The following DMXL1 variants were observed in gnomAD, a reference collection of about 807,000 sequenced individuals.
DMXL1 encodes Dmx like 1, also known as dmX-like protein 1.
DMXL1 carries 99 observed loss-of-function variants against 319.2 expected under a neutral mutation model. The ratio of observed to expected loss-of-function variants is 0.31; its 90% CI spans 0.26 to 0.37. DMXL1 has a LOEUF of 0.37. DMXL1 is among the 10% of genes least tolerant of loss of function. The pLI is 1.00. For missense variants in DMXL1, 3,745 were observed against 3,595.6 expected, an observed-to-expected ratio of 1.04 and a Z score of -1.06; for synonymous variants, 1,385 against 1,235.2, an observed-to-expected ratio of 1.12 and a Z score of -2.54.
intron 1 of DMXL1, chr5:119,081,769 T>TA: frequency 1.0e-6 from 1 of 967,412 alleles, no homozygotes; most frequent in Non-Finnish European, 1.2e-6. Context: ...ATTTTGTTCT[T>TA]ACGTGTATTT....
Position 119,150,300 on chromosome 5 carries a change from C to T in DMXL1, c.4473C>T (p.Gly1491=). The T allele has an allele frequency of 6.2e-7, 1 of 1,613,794 alleles. No homozygotes were observed. The change falls in exon 18 of 44, where the codon GGC becomes GGT. Residue 1491 remains glycine (G), a synonymous_variant. Coordinates refer to ENST00000539542, the MANE Select transcript of DMXL1 (RefSeq NM_001290321.3). ...CTGAGCATGCTCAGGTTCTTTCTGGCCACTTACTTCATTCTAGTTTACCAG... is the reference window on the plus strand; with the variant it reads ...CTGAGCATGCTCAGGTTCTTTCTGGTCACTTACTTCATTCTAGTTTACCAG... ...FGPEHAQVLS[G]HLLHSSLPGL...
At chr5:119,141,723 A>G (rs771902378) in intron 13 of DMXL1, among the ~76,000 whole-genome samples, 26 of 152,222 alleles carry the variant, frequency 1.7e-4, no homozygotes, top group Non-Finnish European at 3.1e-4. Context: ...TATTCCTATC[A>G]AACTACCAAC....
chr5:119,171,804 C>T lies in DMXL1; in HGVS notation c.6516C>T (p.Ser2172=). 2 of 1,612,496 alleles carry T rather than the reference C, an allele frequency of 1.2e-6. No homozygotes were observed. The highest frequency in any genetic ancestry group is 1.7e-6 in the Non-Finnish European group (2 of 1,179,298). ...AAACATCAGAACCACTATTTTCTAG[C>T]CCTCTGTCAGAGCAAACCTCAGTGC... is the stretch of plus-strand genomic sequence containing the variant. ...QQETSEPLFS[S]PLSEQTSVPL... The change falls in exon 25 of 44, where the codon AGC becomes AGT. Residue 2172 remains serine (S), a synonymous_variant. Transcript: ENST00000539542.
rs757438264 is a variant in DMXL1 at position 119,149,419 on chromosome 5, G to C, written c.3592G>C (p.Val1198Leu). 2 of 1,613,870 alleles carry C rather than the reference G, an allele frequency of 1.2e-6. No homozygotes were observed. Among genetic ancestry groups the C allele is most frequent in the East Asian group, 4.5e-5 (2 of 44,862 alleles). The change falls in exon 18 of 44, where the codon GTA (valine) becomes CTA (leucine). Residue 1198 changes from valine to leucine, a missense_variant. By Grantham distance (32) the Val-to-Leu change is conservative (BLOSUM62 1). This residue lies in a region of DMXL1 where 2,096 missense variants were observed against 1,985.4 expected (regional missense o/e 1.06). Coordinates refer to ENST00000539542, the MANE Select transcript of DMXL1 (RefSeq NM_001290321.3). ...STKVVPLSKF[V>L]LLRSVDLVSS... The stretch of plus-strand genomic sequence containing the variant: ...CAAAGTTGTGCCCCTTTCTAAATTT[G>C]TACTATTACGAAGTGTGGACCTAGT...
intron 1 of DMXL1, among the ~76,000 whole-genome samples, chr5:119,073,950 C>A (rs928968423): frequency 6.6e-6 from 1 of 151,246 alleles, no homozygotes; most frequent in African/African-American, 2.4e-5. Context: ...CGGAGTTTCG[C>A]TGTCGTTGCC....
intron 39 of DMXL1, chr5:119,236,247 G>T (rs1787733866): frequency 6.6e-6 from 1 of 151,984 alleles, no homozygotes; most frequent in South Asian, 2.1e-4. Context: ...TAACTAAAGT[G>T]TAAGAAAAAT....
In DMXL1 at chr5:119,071,408, C is replaced by G. The variant is rs1032159549; in HGVS notation, c.-162C>G. ...TCGCCCTCCGGGGCTCGGGATGAGT[C>G]GCGGGCCCCAGCTGAGCGGCTCCGG... On this transcript the variant is annotated 5_prime_UTR_variant, in exon 1 of 44. Coordinates refer to ENST00000539542, the MANE Select transcript of DMXL1 (RefSeq NM_001290321.3). 1.5e-6 allele frequency: 1 copy of G among 677,218 alleles called. No homozygotes were observed. Among genetic ancestry groups the G allele is most frequent in the Non-Finnish European group, 2.5e-6 (1 of 405,284 alleles). The allele number at this position is 677,218 out of a possible 1,614,324, so 42.0% of individuals were successfully genotyped here.
rs748708420 is a variant in DMXL1 at position 119,239,090 on chromosome 5, G to A, written c.8651+10G>A. The A allele has an allele frequency of 1.9e-6, 3 of 1,612,980 alleles. No individual in the cohort carries two copies. The highest frequency in any genetic ancestry group is 2.7e-5 in the African/African-American group (2 of 74,892). On this transcript the variant is annotated intron_variant, in intron 41 of 43. Coordinates refer to ENST00000539542, the MANE Select transcript of DMXL1 (RefSeq NM_001290321.3). The stretch of plus-strand genomic sequence containing the variant: ...TTTCAACTGACAATAGGTAAGAGAT[G>A]ATAGCTAAAATTGAAGTATGAGAAA...
chr5:119,105,267 A>G lies in DMXL1; in HGVS notation c.364+9A>G. On this transcript the variant is annotated intron_variant, in intron 4 of 43. Coordinates refer to ENST00000539542, the MANE Select transcript of DMXL1 (RefSeq NM_001290321.3). ...AACCTGGGATCCCACAGGTAAGAAA[A>G]TAAGCAGGATTAACTAAAATGAAAT... 1 of 1,604,130 alleles carries G rather than the reference A, an allele frequency of 6.2e-7. No individual in the cohort carries two copies. Among genetic ancestry groups the G allele is most frequent in the Non-Finnish European group, 8.5e-7 (1 of 1,171,600 alleles).
Position 119,173,776 on chromosome 5 carries a change from G to GTGTGTATATATATATATATATATATA in DMXL1, c.6682-1484_6682-1483insGTGTATATATATATATATATATATAT. On this transcript the variant is annotated intron_variant, in intron 25 of 43. Coordinates refer to ENST00000539542, the MANE Select transcript of DMXL1 (RefSeq NM_001290321.3). ...TGTGTATATATATATATGTGTGTGT[G>GTGTGTATATATATATATATATATATA]TATATATATATATATATATATAATG... 6.8e-4 allele frequency among the ~76,000 whole-genome samples: 46 copies of GTGTGTATATATATATATATATATATA among 67,170 alleles called. 1 individual carries two copies. The highest frequency in any genetic ancestry group is 2.2e-3 in the African/African-American group (39 of 18,014). 44.1% of individuals were successfully genotyped at this position (67,170 alleles called of 152,430 possible). A position where few individuals can be genotyped will look rare whatever the true frequency, so the allele number is the denominator to read the frequency against.
At chr5:119,188,944 A>C (rs1242950133) in intron 28 of DMXL1, among the ~76,000 whole-genome samples, 1 of 152,206 alleles carries the variant, frequency 6.6e-6, no homozygotes, top group African/African-American at 2.4e-5. Flanking sequence ...GGTGTGCCTT[A>C]ATGTGGAATT....
At chr5:119,172,058 A>G in intron 25 of DMXL1, 89 bp downstream of exon 25, 1 of 1,226,706 alleles carries the variant, frequency 8.2e-7, no homozygotes, top group Non-Finnish European at 1.1e-6. Flanking sequence ...AAGTAATTTT[A>G]AACATCAGAC....
Position 119,224,746 on chromosome 5 carries a change from C to A in DMXL1, c.8315C>A (p.Thr2772Asn). 7.6e-7 allele frequency: 1 copy of A among 1,321,332 alleles called. No homozygotes were observed. Among genetic ancestry groups the A allele is most frequent in the Non-Finnish European group, 1.0e-6 (1 of 992,700 alleles). 81.9% of individuals were successfully genotyped at this position (1,321,332 alleles called of 1,614,324 possible). A position where few individuals can be genotyped will look rare whatever the true frequency, so the allele number is the denominator to read the frequency against. ...GCCATTAATAATGTTAGAAGAATGA[C>A]TTCTCATCCAACTCTTCCTTACTGT... Reference protein sequence around the residue: ...KKAINNVRRMTSHPTLPYYLT... With the variant: ...KKAINNVRRMNSHPTLPYYLT... Residue 2772 changes from threonine to asparagine, a missense_variant, in exon 38 of 44, where the codon ACT (threonine) becomes AAT (asparagine). Thr to Asn is a moderately conservative substitution (Grantham distance 65). Around this residue, in one of 4 missense-constraint regions of DMXL1, gnomAD observed 1,382 missense variants for 1,269.5 expected, o/e 1.09. Transcript: ENST00000539542.
chr5:119,101,897 A>C (rs758084295), intron 2 of DMXL1, 38 bp from the exon 3 acceptor site: 5 of 1,367,218 alleles, frequency 3.7e-6, no homozygotes, highest in Non-Finnish European at 5.1e-6. Context: ...TAAGTAAGTT[A>C]ACATATCCCT....
chr5:119,210,416 T>G (rs1182329955), intron 34 of DMXL1, among the ~76,000 whole-genome samples: 1 of 152,236 alleles, frequency 6.6e-6, no homozygotes, highest in African/African-American at 2.4e-5. Context: ...GTATTACATT[T>G]AGGTCTAATC....
In DMXL1 at chr5:119,119,857, AT is replaced by A. The variant is rs554995502; in HGVS notation, c.933+863del. Reference sequence around the variant, plus strand: ...AACGAAGTGATTTTATTTTTTGTGGATTTTTTTTTTGGGTGGGGGAGTTGTT... The same window carrying A: ...AACGAAGTGATTTTATTTTTTGTGGATTTTTTTTTGGGTGGGGGAGTTGTT... On this transcript the variant is annotated intron_variant, in intron 8 of 43. Coordinates refer to ENST00000539542, the MANE Select transcript of DMXL1 (RefSeq NM_001290321.3). Among the ~76,000 whole-genome samples, 455 of 146,944 alleles carry A rather than the reference AT, an allele frequency of 3.1e-3. 1 individual carries two copies. Among genetic ancestry groups the A allele is most frequent in the Non-Finnish European group, 5.0e-3 (331 of 66,426 alleles).
At chr5:119,146,328 T>C (rs554331424) in intron 15 of DMXL1, among the ~76,000 whole-genome samples, 78 of 152,072 alleles carry the variant, frequency 5.1e-4, no homozygotes, top group African/African-American at 1.8e-3. Flanking sequence ...TAAAAAGATA[T>C]GTTTATTTTG....
At position 119,211,309 on chromosome 5, in the gene DMXL1, G is replaced by C. The variant is rs1350862758; in HGVS notation, c.7926+4413G>C. Among the ~76,000 whole-genome samples the C allele has an allele frequency of 2.6e-5, 4 of 152,164 alleles. No homozygotes were observed. The East Asian group carries it at 7.7e-4, about 29-fold the overall frequency. On this transcript the variant is annotated intron_variant, in intron 34 of 43. Transcript: ENST00000539542. ...AGGTTCTGTCCTCTTTAATTTTGGG[G>C]AATAATTTTTATAGAATTAGTGTTA...
intron 18 of DMXL1, among the ~76,000 whole-genome samples, 171 bp from the exon 19 acceptor site, chr5:119,151,758 T>G (rs1769850118): frequency 6.6e-6 from 1 of 152,194 alleles, no homozygotes; most frequent in Non-Finnish European, 1.5e-5. Context: ...CAATTGTTTA[T>G]ACTATTTTTT....
Sources: gnomAD v4.1 joint callset for allele counts (sites outside exome capture counted in the v4.1 genomes callset) on GRCh38, gnomAD v4.1.1 for gene constraint, gnomAD v4.1.1 regional missense constraint, MANE v1.5 for transcripts, NCBI Gene and HGNC (gene_info 2026-07-23, HGNC 2026-07-21) for gene names.